The following ABCC12 variants were observed in gnomAD, a reference collection of about 807,000 sequenced individuals.
ABCC12 encodes ATP-binding cassette sub-family C member 12.
ABCC12 carries 142 observed loss-of-function variants against 151.1 expected under a neutral mutation model. That is an observed-to-expected ratio of 0.94 (90% CI 0.82 to 1.08). The LOEUF (loss-of-function observed/expected upper bound fraction) is 1.08. Among genes scored for constraint, ABCC12 ranks in the 50% least tolerant of loss-of-function variants. The pLI is 0.00. For synonymous variants in ABCC12, 645 were observed against 646.4 expected (o/e 1.00, Z 0.03); for missense variants, 1,638 against 1,691.1 (o/e 0.97, Z 0.55).
Position 48,107,303 on chromosome 16 carries a change from A to G in ABCC12, c.2475+19T>C, listed in dbSNP as rs1325225870. On this transcript the variant is annotated intron_variant, in intron 20 of 30. Transcript: ENST00000311303. ...CAAGACACAGACTCGGCATCTTCCA[A>G]TGCCAAAGGGAAACTCACCCGTGAG... 31 of 1,611,116 alleles carry G rather than the reference A, an allele frequency of 1.9e-5. No individual in the cohort carries two copies. In the Admixed American group the frequency reaches 4.8e-4, roughly 25 times the overall value.
intron 14 of ABCC12, among the ~76,000 whole-genome samples, chr16:48,116,399 A>G (rs1963884718): frequency 6.6e-6 from 1 of 152,210 alleles, no homozygotes; most frequent in South Asian, 2.1e-4. Flanking sequence ...GAAGAGCATC[A>G]GTAGAGTACT....
chr16:48,100,148 T>C (rs59312258), intron 23 of ABCC12, among the ~76,000 whole-genome samples: 2,311 of 152,182 alleles, frequency 0.015, 59 homozygotes, highest in African/African-American at 0.053. Flanking sequence ...TTAGTAGAGA[T>C]GGGGTTTCGT....
intron 9 of ABCC12, among the ~76,000 whole-genome samples, chr16:48,133,408 C>T (rs1313959687): frequency 6.6e-6 from 1 of 152,002 alleles, no homozygotes; most frequent in Non-Finnish European, 1.5e-5. Flanking sequence ...CACCTGTAAT[C>T]CCAGCTACTC....
At chr16:48,128,804 C>A (rs1347899690) in intron 10 of ABCC12, 67 bp from the exon 11 acceptor site, 2 of 1,535,786 alleles carry the variant, frequency 1.3e-6, no homozygotes, top group East Asian at 4.5e-5. Flanking sequence ...CCCAATGTAT[C>A]TTCTAATGAC....
At position 48,121,713 on chromosome 16, in the gene ABCC12, T is replaced by C. The variant is rs1964074934; in HGVS notation, c.1712+3A>G. On this transcript the variant is annotated splice_donor_region_variant and intron_variant, in intron 13 of 30. Transcript: ENST00000311303. ...TGCCTCCTGCTTTAAAAGTTAATAT[T>C]ACCTTTGGTGATCATACTTTTCTCC... 1.2e-6 allele frequency: 2 copies of C among 1,614,156 alleles called. No homozygotes were observed. Among genetic ancestry groups the C allele is most frequent in the East Asian group, 2.2e-5 (1 of 44,888 alleles).
Position 48,092,348 on chromosome 16 carries a change from C to T in ABCC12, c.3196-1139G>A, listed in dbSNP as rs193214982. Among the ~76,000 whole-genome samples, 630 of 152,244 alleles carry T rather than the reference C, an allele frequency of 4.1e-3. 3 individuals carry two copies. The highest frequency in any genetic ancestry group is 0.014 in the African/African-American group (599 of 41,548). On this transcript the variant is annotated intron_variant, in intron 24 of 30. Transcript: ENST00000311303. ...TTACCGCTGTGGGCAACTGAGAGTC[C>T]GGCTGGTCTTGGAGCTCTGGGACAC...
Position 48,133,729 on chromosome 16 carries a change from T to C in ABCC12, c.1086A>G (p.Leu362=). Residue 362 remains leucine (L), a synonymous_variant, in exon 9 of 31, where the codon TTA becomes TTG. Coordinates refer to ENST00000311303, the MANE Select transcript of ABCC12 (RefSeq NM_001393797.1). ...TGCGTCTCAGGAGGATGTGGCAGGA[T>C]AATGTCAGCACGATGGCTATGGTGG... The part of the protein sequence containing the change: ...IVSTIAIVLT[L]SCHILLRRKL... The C allele has an allele frequency of 6.2e-7, 1 of 1,614,030 alleles. No homozygotes were observed. Among genetic ancestry groups the C allele is most frequent in the Non-Finnish European group, 8.5e-7 (1 of 1,180,000 alleles).
chr16:48,149,906 T>C (rs890211613), intron 2 of ABCC12, among the ~76,000 whole-genome samples: 1 of 152,212 alleles, frequency 6.6e-6, no homozygotes, highest in South Asian at 2.1e-4. Context: ...ATTCTTCAAA[T>C]AGACATTATT....
intron 15 of ABCC12, among the ~76,000 whole-genome samples, chr16:48,113,009 TC>T (rs1418861490): frequency 6.6e-6 from 1 of 152,094 alleles, no homozygotes; most frequent in Non-Finnish European, 1.5e-5. Context: ...CCCCCCAGGA[TC>T]AAGGAAGCTC....
intron 25 of ABCC12, 69 bp downstream of exon 25, chr16:48,091,051 A>G: frequency 6.9e-7 from 1 of 1,459,198 alleles, no homozygotes; most frequent in South Asian, 1.1e-5. Flanking sequence ...GCATCTAAAA[A>G]GATCCAGTAT....
intron 25 of ABCC12, 93 bp downstream of exon 25, chr16:48,091,027 A>G (rs1962861586): frequency 1.5e-6 from 2 of 1,298,680 alleles, no homozygotes; most frequent in African/African-American, 1.5e-5. Context: ...CCGTTTTTTA[A>G]AAAGACCCCT....
intron 1 of ABCC12, 155 bp downstream of exon 1, chr16:48,155,686 G>A (rs1408095832): frequency 1.3e-5 from 2 of 152,180 alleles, no homozygotes; most frequent in Non-Finnish European, 2.9e-5. Flanking sequence ...CTCCCACTTG[G>A]GCAGCCCCAT....
At chr16:48,094,419 G>A (rs901584491) in intron 24 of ABCC12, among the ~76,000 whole-genome samples, 17 of 152,210 alleles carry the variant, frequency 1.1e-4, no homozygotes, top group Non-Finnish European at 2.4e-4. Context: ...GAGGACGAAA[G>A]CCTTTTGATA....
In ABCC12 at chr16:48,107,304, T is replaced by C; in HGVS notation, c.2475+18A>G. The C allele has an allele frequency of 1.2e-6, 2 of 1,611,386 alleles. No homozygotes were observed. The highest frequency in any genetic ancestry group is 1.7e-6 in the Non-Finnish European group (2 of 1,177,608). On this transcript the variant is annotated intron_variant, in intron 20 of 30. Coordinates refer to ENST00000311303, the MANE Select transcript of ABCC12 (RefSeq NM_001393797.1). Reference sequence around the variant, plus strand: ...AAGACACAGACTCGGCATCTTCCAATGCCAAAGGGAAACTCACCCGTGAGC... The same window carrying C: ...AAGACACAGACTCGGCATCTTCCAACGCCAAAGGGAAACTCACCCGTGAGC...
chr16:48,105,905 T>C (rs773196202), intron 20 of ABCC12, among the ~76,000 whole-genome samples: 1 of 152,078 alleles, frequency 6.6e-6, no homozygotes, highest in Non-Finnish European at 1.5e-5. Context: ...TGCCCTGGGA[T>C]CTTTGGTGGG....
At chr16:48,146,776 C>G (rs1045491494) in intron 2 of ABCC12, 6 of 227,928 alleles carry the variant, frequency 2.6e-5, no homozygotes, top group Non-Finnish European at 5.2e-5. Context: ...AAGGCTGAGT[C>G]CCAGCCCAGG....
chr16:48,148,563 A>C (rs1428240355), intron 2 of ABCC12, among the ~76,000 whole-genome samples: 1 of 152,110 alleles, frequency 6.6e-6, no homozygotes, highest in Non-Finnish European at 1.5e-5. Context: ...AATGACATAA[A>C]TATCATAGAC....
At chr16:48,141,944 T>A (rs77429839) in intron 4 of ABCC12, among the ~76,000 whole-genome samples, 2,749 of 152,256 alleles carry the variant, frequency 0.018, 80 homozygotes, top group African/African-American at 0.063. Context: ...TTGGCTGCTA[T>A]GAAAGTGATG....
rs1445531057 is a variant in ABCC12, at chr16:48,140,936, G to A, written c.424-16C>T. The A allele has an allele frequency of 1.9e-6, 3 of 1,607,084 alleles. No homozygotes were observed. Among genetic ancestry groups the A allele is most frequent in the South Asian group, 1.1e-5 (1 of 90,714 alleles). ...TGAGAACTGTCTGTAAAACAGCATG[G>A]TGGGGAGAAGAGAGGGCCACTGAGG... On this transcript the variant is annotated splice_polypyrimidine_tract_variant and intron_variant, in intron 5 of 30. Transcript: ENST00000311303.
Sources: gnomAD v4.1 joint callset for allele counts (sites outside exome capture counted in the v4.1 genomes callset) on GRCh38, gnomAD v4.1.1 for gene constraint, MANE v1.5 for transcripts, NCBI Gene and HGNC (gene_info 2026-07-23, HGNC 2026-07-21) for gene names.